HCRTR2: variants seen among roughly 807,000 people sequenced by gnomAD.
HCRTR2 encodes the protein hypocretin receptor 2.
A neutral mutation model predicts 49.0 loss-of-function variants in HCRTR2; 22 were observed. The observed-to-expected ratio is 0.45, with a 90% CI of 0.32 to 0.64. The LOEUF (loss-of-function observed/expected upper bound fraction) is 0.64. Ranked by LOEUF, HCRTR2 falls within the 30% of genes least tolerant of loss-of-function variation. The probability of loss-of-function intolerance (pLI) is 0.04; values close to 1 mark genes in which losing one functional copy is unlikely to be tolerated. For missense variants in HCRTR2, 491 were observed against 559.4 expected (o/e 0.88, Z 1.23); for synonymous variants, 236 against 205.3 (o/e 1.15, Z -1.28).
At chr6:55,203,396 C>T (rs549213444) in intron 1 of HCRTR2, among the ~76,000 whole-genome samples, 13 of 152,156 alleles carry the variant, frequency 8.5e-5, no homozygotes, top group African/African-American at 2.2e-4. Flanking sequence ...TTTATACTGT[C>T]GGCCTACCTG....
At chr6:55,268,714 A>T (rs1766910014) in intron 4 of HCRTR2, among the ~76,000 whole-genome samples, 1 of 152,188 alleles carries the variant, frequency 6.6e-6, no homozygotes, top group South Asian at 2.1e-4. Context: ...AAATATACCA[A>T]GCAAAAAGTA....
At chr6:55,111,169 T>G (rs530974713) in intron 1 of HCRTR2, among the ~76,000 whole-genome samples, 5 of 151,332 alleles carry the variant, frequency 3.3e-5, no homozygotes, top group Middle Eastern at 3.4e-3. Flanking sequence ...TACAGCAAAA[T>G]GGTGCTAAGA....
rs3065694 is a variant in HCRTR2, at chr6:55,275,608, A to ATTT, written c.763-1758_763-1756dup. Among the ~76,000 whole-genome samples the ATTT allele has an allele frequency of 5.1e-3, 676 of 133,086 alleles. 1 individual carries two copies. The highest frequency in any genetic ancestry group is 6.9e-3 in the Non-Finnish European group (434 of 63,038). 87.3% of individuals were successfully genotyped at this position (133,086 alleles called of 152,430 possible). On this transcript the variant is annotated intron_variant, in intron 4 of 6. Coordinates refer to ENST00000370862, the MANE Select transcript of HCRTR2 (RefSeq NM_001384272.1). ...ATAGCTTTCTCTTTATGAAAACTGT[A>ATTT]TTTTTTTTTTTTTTTTGAGATGGAG...
At chr6:55,109,277 C>T (rs1486585321) in intron 1 of HCRTR2, among the ~76,000 whole-genome samples, 1 of 152,104 alleles carries the variant, frequency 6.6e-6, no homozygotes, top group Non-Finnish European at 1.5e-5. Flanking sequence ...GAGAAGGAGT[C>T]AGAAAAACAA....
intron 1 of HCRTR2, among the ~76,000 whole-genome samples, chr6:55,113,825 C>G (rs970544529): frequency 6.6e-6 from 1 of 151,586 alleles, no homozygotes; most frequent in Non-Finnish European, 1.5e-5. Flanking sequence ...GAGTCATATG[C>G]AAAAAAGACA....
At chr6:55,253,851 G>A (rs9367627) in intron 2 of HCRTR2, among the ~76,000 whole-genome samples, 26,307 of 151,896 alleles carry the variant, frequency 0.17, 2,773 homozygotes, top group Non-Finnish European at 0.24. Flanking sequence ...CACATAAAGG[G>A]GAACAACACG....
chr6:55,152,750 C>T (rs1018140539), intron 1 of HCRTR2, among the ~76,000 whole-genome samples: 3 of 151,898 alleles, frequency 2.0e-5, no homozygotes, highest in Non-Finnish European at 4.4e-5. Flanking sequence ...TTCCCAAAGG[C>T]CTCACTTTCT....
intron 1 of HCRTR2, among the ~76,000 whole-genome samples, chr6:55,127,094 C>T (rs1581785556): frequency 6.6e-6 from 1 of 152,080 alleles, no homozygotes; most frequent in African/African-American, 2.4e-5. Context: ...GTCTCGCTGA[C>T]ATTCCAGGCG....
intron 1 of HCRTR2, among the ~76,000 whole-genome samples, chr6:55,198,065 G>A (rs1765449676): frequency 6.6e-6 from 1 of 152,102 alleles, no homozygotes; most frequent in South Asian, 2.1e-4. Flanking sequence ...AACCCCAAAA[G>A]TAAATCTAAA....
intron 1 of HCRTR2, among the ~76,000 whole-genome samples, chr6:55,162,324 G>A (rs1409493073): frequency 2.0e-5 from 3 of 152,246 alleles, no homozygotes; most frequent in South Asian, 2.1e-4. Context: ...GCTAGGTATC[G>A]ATGCAATGTA....
In HCRTR2 at chr6:55,268,857, G is replaced by T. The variant is rs150307460; in HGVS notation, c.762+5035G>T. On this transcript the variant is annotated intron_variant, in intron 4 of 6. Coordinates refer to ENST00000370862, the MANE Select transcript of HCRTR2 (RefSeq NM_001384272.1). ...TGTAATCCCAGCACTTTGGGAGGCT[G>T]AGGCGGGTGGATCACGAGGTCAGAA... is the stretch of plus-strand genomic sequence containing the variant. 4.1e-3 allele frequency among the ~76,000 whole-genome samples: 630 copies of T among 152,154 alleles called. 8 individuals carry two copies. The highest frequency in any genetic ancestry group is 0.017 in the Middle Eastern group (5 of 294).
chr6:55,123,174 A>G (rs1236482767), intron 1 of HCRTR2, among the ~76,000 whole-genome samples: 1 of 151,824 alleles, frequency 6.6e-6, no homozygotes, highest in Non-Finnish European at 1.5e-5. Context: ...TAAAAAAAGG[A>G]GTGGTGAGAG....
chr6:55,161,713 A>G (rs559420596), intron 1 of HCRTR2, among the ~76,000 whole-genome samples: 1 of 152,234 alleles, frequency 6.6e-6, no homozygotes, highest in Non-Finnish European at 1.5e-5. Flanking sequence ...ACCTCTATGC[A>G]AATAAACTAG....
intron 1 of HCRTR2, among the ~76,000 whole-genome samples, chr6:55,136,168 G>A (rs1764430869): frequency 6.6e-6 from 1 of 151,872 alleles, no homozygotes; most frequent in Non-Finnish European, 1.5e-5. Context: ...ATTCCACATT[G>A]TGCTGAAAAA....
At chr6:55,246,564 C>G (rs140034772) in intron 1 of HCRTR2, among the ~76,000 whole-genome samples, 1 of 152,010 alleles carries the variant, frequency 6.6e-6, no homozygotes, top group Non-Finnish European at 1.5e-5. Flanking sequence ...ATCTTAAAGC[C>G]CTGTCAAATA....
intron 1 of HCRTR2, among the ~76,000 whole-genome samples, chr6:55,108,531 C>T (rs1314937658): frequency 6.6e-6 from 1 of 151,618 alleles, no homozygotes; most frequent in East Asian, 2.0e-4. Context: ...AAGGTTAAAT[C>T]CTTCTAGGTT....
At chr6:55,114,361 C>T (rs1476952643) in intron 1 of HCRTR2, among the ~76,000 whole-genome samples, 2 of 151,784 alleles carry the variant, frequency 1.3e-5, no homozygotes, top group African/African-American at 4.8e-5. Context: ...AAACAACTAC[C>T]TATGTGAGCT....
chr6:55,273,465 T>G (rs1767013613), intron 4 of HCRTR2, among the ~76,000 whole-genome samples: 1 of 152,084 alleles, frequency 6.6e-6, no homozygotes, highest in Non-Finnish European at 1.5e-5. Flanking sequence ...CTTAACTTTT[T>G]GTTCCTCCTC....
chr6:55,166,828 A>C (rs1316508338), intron 1 of HCRTR2, among the ~76,000 whole-genome samples: 1 of 152,210 alleles, frequency 6.6e-6, no homozygotes, highest in Non-Finnish European at 1.5e-5. Flanking sequence ...TGAATAGATA[A>C]AATGTGGCAT....
Sources: allele counts gnomAD v4.1 joint callset (sites outside exome capture counted in the v4.1 genomes callset), GRCh38; gene constraint gnomAD v4.1.1; transcripts MANE v1.5; gene names NCBI Gene and HGNC (gene_info 2026-07-23, HGNC 2026-07-21).